The following DNAH9 variants were observed in gnomAD, a reference collection of about 807,000 sequenced individuals.
DNAH9 encodes the protein dynein axonemal heavy chain 9.
A neutral mutation model predicts 471.6 loss-of-function variants in DNAH9; 345 were observed. That is an observed-to-expected ratio of 0.73 (90% confidence interval 0.67 to 0.80). The LOEUF (loss-of-function observed/expected upper bound fraction) is 0.80, where lower values mean the gene tolerates loss of function less well. Among genes scored for constraint, DNAH9 ranks in the 30% least tolerant of loss-of-function variants. The pLI, the probability that DNAH9 is intolerant of heterozygous loss-of-function variation, is 0.00. For missense variants in DNAH9, 5,407 were observed against 5,609.2 expected (o/e 0.96, Z 1.15); for synonymous variants, 2,093 against 2,123.6 (o/e 0.99, Z 0.40).
intron 65 of DNAH9, among the ~76,000 whole-genome samples, chr17:11,934,625 AT>A (rs35078002): frequency 0.26 from 38,702 of 150,496 alleles, 5,583 homozygotes; most frequent in Non-Finnish European, 0.33. Flanking sequence ...TTATTTTTGT[AT>A]TTTTTTTAGT....
intron 35 of DNAH9, among the ~76,000 whole-genome samples, chr17:11,762,758 G>GTTTTTTGTT: frequency 2.1e-5 from 2 of 94,776 alleles, no homozygotes; most frequent in South Asian, 7.5e-4. Context: ...CTTTAGGTGC[G>GTTTTTTGTT]TTTTTTTTTT....
intron 56 of DNAH9, chr17:11,884,503 A>G (rs1972821414): frequency 2.2e-6 from 1 of 454,218 alleles, no homozygotes; most frequent in Admixed American, 2.4e-5. Context: ...TCCAGGAACA[A>G]TATACCTTTG....
At chr17:11,891,750 T>G in intron 57 of DNAH9, 27 bp from the exon 58 acceptor site, 1 of 1,612,030 alleles carries the variant, frequency 6.2e-7, no homozygotes, top group East Asian at 2.2e-5. Context: ...CTGTGTACCT[T>G]ACCAGTTTCC....
chr17:11,666,772 A>G (rs768971489), intron 15 of DNAH9, among the ~76,000 whole-genome samples: 4 of 152,186 alleles, frequency 2.6e-5, no homozygotes, highest in Non-Finnish European at 5.9e-5. Flanking sequence ...AAAATGGTAA[A>G]GCCACAGGAT....
rs769799490 is a variant in DNAH9, at chr17:11,821,963, C to G, written c.8751C>G (p.Ile2917Met). ...ACTCTGATGATGAAGTTGAAAACAT[C>G]ATAAGCAATGTGAGGAATGAAGTCA... Reference protein sequence around the residue: ...DLYSDDEVENIISNVRNEVKS... With the variant: ...DLYSDDEVENMISNVRNEVKS... The change falls in exon 46 of 69, where the codon ATC becomes ATG. Residue 2917 changes from isoleucine (I) to methionine (M), a missense_variant. Physicochemically the swap from Ile to Met is conservative, Grantham distance 10 (BLOSUM62 1). Coordinates refer to ENST00000262442, the MANE Select transcript of DNAH9 (RefSeq NM_001372.4). The G allele has an allele frequency of 9.9e-6, 16 of 1,614,114 alleles. No individual in the cohort carries two copies. The highest frequency in any genetic ancestry group is 1.4e-5 in the Non-Finnish European group (16 of 1,180,000).
Position 11,961,765 on chromosome 17 carries a change from T to A in DNAH9, c.12844-102T>A, listed in dbSNP as rs1353627061. 7 of 1,362,836 alleles carry A rather than the reference T, an allele frequency of 5.1e-6. No individual in the cohort carries two copies. The East Asian group carries it at 1.6e-4, about 31-fold the overall frequency. 84.4% of individuals were successfully genotyped at this position (1,362,836 alleles called of 1,614,324 possible). Reference sequence around the variant, plus strand: ...AATGACATGAACAAGGATGGATAACTCTTGTCTGCCTGGGTGCCATGAGCC... The same window carrying A: ...AATGACATGAACAAGGATGGATAACACTTGTCTGCCTGGGTGCCATGAGCC... On this transcript the variant is annotated intron_variant, in intron 67 of 68. Transcript: ENST00000262442.
intron 28 of DNAH9, among the ~76,000 whole-genome samples, chr17:11,735,430 TTG>T (rs995933447): frequency 6.6e-6 from 1 of 151,868 alleles, no homozygotes; most frequent in African/African-American, 2.4e-5. Context: ...TTTTGTTTTT[TTG>T]TTTTGTTTTG....
rs1341873335 is a variant in DNAH9, at chr17:11,826,851, G to T, written c.9246+3817G>T. 7.9e-5 allele frequency among the ~76,000 whole-genome samples: 10 copies of T among 126,918 alleles called. No homozygotes were observed. In the East Asian group the frequency reaches 2.4e-3, roughly 31 times the overall value. The allele number at this position is 126,918 out of a possible 152,430, so 83.3% of individuals were successfully genotyped here. ...TTTTTTTTTTTTTTTTTGAGACAGA[G>T]TCTGGCTGTATCGCCCAGGCTGGAG... is the stretch of plus-strand genomic sequence containing the variant. On this transcript the variant is annotated intron_variant, in intron 48 of 68. Coordinates refer to ENST00000262442, the MANE Select transcript of DNAH9 (RefSeq NM_001372.4).
chr17:11,606,591 A>G (rs113461929), intron 1 of DNAH9, among the ~76,000 whole-genome samples: 48 of 120,382 alleles, frequency 4.0e-4, no homozygotes, highest in African/African-American at 1.4e-3. Flanking sequence ...CTGGGACTAC[A>G]GGCACGTGCC....
At chr17:11,957,892 T>C (rs1277518212) in intron 67 of DNAH9, among the ~76,000 whole-genome samples, 1 of 152,212 alleles carries the variant, frequency 6.6e-6, no homozygotes. Context: ...TATTATTCCT[T>C]ACAACTATAA....
In DNAH9 at chr17:11,822,877, T is replaced by A. The variant is rs1331217721; in HGVS notation, c.9089T>A (p.Leu3030Gln). The A allele has an allele frequency of 1.2e-6, 2 of 1,614,238 alleles. No homozygotes were observed. The highest frequency in any genetic ancestry group is 4.5e-5 in the East Asian group (2 of 44,882). The change falls in exon 48 of 69, where the codon CTG becomes CAG. Residue 3030 changes from leucine (L) to glutamine (Q), a missense_variant. Coordinates refer to ENST00000262442, the MANE Select transcript of DNAH9 (RefSeq NM_001372.4). ...TSVNQTSQSY[L>Q]SNEQRYNYTT... Reference sequence around the variant, plus strand: ...GTCAACCAAACATCCCAGTCTTATCTGAGCAATGAACAGCGCTACAACTAT... The same window carrying A: ...GTCAACCAAACATCCCAGTCTTATCAGAGCAATGAACAGCGCTACAACTAT...
At position 11,598,492 on chromosome 17, in the gene DNAH9, G is replaced by C; in HGVS notation, c.-7G>C. ...AGGGAAACCGATGCAGCTGGAGGCC[G>C]CGCGCGATGCGGCTCGCGGAGGAGC... On this transcript the variant is annotated 5_prime_UTR_variant, in exon 1 of 69. Coordinates refer to ENST00000262442, the MANE Select transcript of DNAH9 (RefSeq NM_001372.4). The C allele has an allele frequency of 7.3e-7, 1 of 1,365,258 alleles. No homozygotes were observed. The highest frequency in any genetic ancestry group is 9.4e-7 in the Non-Finnish European group (1 of 1,067,968). The allele number at this position is 1,365,258 out of a possible 1,614,324, so 84.6% of individuals were successfully genotyped here. A position where few individuals can be genotyped will look rare whatever the true frequency, so the allele number is the denominator to read the frequency against.
At chr17:11,705,252 A>G (rs1429647035) in intron 26 of DNAH9, 67 bp downstream of exon 26, 2 of 1,413,084 alleles carry the variant, frequency 1.4e-6, no homozygotes, top group East Asian at 2.3e-5. Flanking sequence ...GTGGGCATCT[A>G]GGGTCAAAGT....
intron 1 of DNAH9, 35 bp downstream of exon 1, chr17:11,598,950 C>T: frequency 1.9e-6 from 2 of 1,056,704 alleles, no homozygotes; most frequent in South Asian, 1.9e-5. Flanking sequence ...GCGGCTAAAG[C>T]TGGGTGGGGG....
chr17:11,828,369 AG>A (rs1481872032), intron 48 of DNAH9, among the ~76,000 whole-genome samples: 1 of 151,774 alleles, frequency 6.6e-6, no homozygotes, highest in African/African-American at 2.4e-5. Context: ...GCTACTCGGG[AG>A]GCTTAAGCAG....
chr17:11,598,999 A>AGGGGGGGGGGGCCAGT, intron 1 of DNAH9, 84 bp downstream of exon 1: 1 of 191,918 alleles, frequency 5.2e-6, no homozygotes, highest in Non-Finnish European at 7.2e-6. Flanking sequence ...GCGGGGCCAG[A>AGGGGGGGGGGGCCAGT]GGGGGCGGGG....
intron 61 of DNAH9, among the ~76,000 whole-genome samples, chr17:11,913,408 T>A (rs999185850): frequency 1.3e-5 from 2 of 152,202 alleles, no homozygotes; most frequent in African/African-American, 4.8e-5. Context: ...AACTTGTTGA[T>A]AAACACCTCC....
intron 41 of DNAH9, among the ~76,000 whole-genome samples, chr17:11,790,180 G>C (rs1039832595): frequency 6.6e-6 from 1 of 151,686 alleles, no homozygotes. Flanking sequence ...TCCAGTTAAA[G>C]CAACCTTGTA....
At chr17:11,930,404 A>AGATACACT (rs1242893883) in intron 63 of DNAH9, among the ~76,000 whole-genome samples, 1 of 152,158 alleles carries the variant, frequency 6.6e-6, no homozygotes, top group African/African-American at 2.4e-5. Flanking sequence ...CTCATTGATA[A>AGATACACT]GATACACTGG....
Sources: gnomAD v4.1 joint callset for allele counts (sites outside exome capture counted in the v4.1 genomes callset) on GRCh38, gnomAD v4.1.1 for gene constraint, MANE v1.5 for transcripts, NCBI Gene and HGNC (gene_info 2026-07-23, HGNC 2026-07-21) for gene names.